PFKFB3: variants seen among roughly 807,000 people sequenced by gnomAD.
PFKFB3 encodes the protein 6-phosphofructo-2-kinase/fructose-2,6-bisphosphatase 3.
A neutral mutation model predicts 68.0 loss-of-function variants in PFKFB3; 33 were observed. The observed-to-expected ratio is 0.49, with a 90% CI of 0.37 to 0.65. The LOEUF (loss-of-function observed/expected upper bound fraction) is 0.65. Ranked by LOEUF, PFKFB3 falls within the 30% of genes least tolerant of loss-of-function variation. The probability of loss-of-function intolerance (pLI) is 0.00; values close to 1 mark genes in which losing one functional copy is unlikely to be tolerated. For synonymous variants in PFKFB3, 315 were observed against 288.2 expected, an observed-to-expected ratio of 1.09 and a Z score of -0.94; for missense variants, 586 against 712.2, an observed-to-expected ratio of 0.82 and a Z score of 2.02.
intron 14 of PFKFB3, among the ~76,000 whole-genome samples, chr10:6,240,674 T>TA (rs1846120032): frequency 6.6e-6 from 1 of 152,166 alleles, no homozygotes; most frequent in Non-Finnish European, 1.5e-5. Context: ...ATGGTACCCT[T>TA]GTCAAAACTA....
intron 3 of PFKFB3, 113 bp from the exon 4 acceptor site, chr10:6,216,012 G>C (rs1844554268): frequency 8.0e-6 from 8 of 999,278 alleles, no homozygotes; most frequent in Non-Finnish European, 1.1e-5. Context: ...GCGCTAAGCA[G>C]TGTAGAATGG....
the PFKFB3 span, among the ~76,000 whole-genome samples, chr10:6,268,894 A>G: frequency 0.55 from 83,183 of 150,638 alleles, 23,835 homozygotes; most frequent in Non-Finnish European, 0.65. Flanking sequence ...ATGGTGGTGC[A>G]TGACTGTAGT....
Position 6,215,338 on chromosome 10 carries a change from T to C in PFKFB3, c.299+21T>C. ...CGGAAGTAAGGCTGGGCCGCGGGCGTAGGGCTGGGCTGTGGGAATAAGGCT... is the reference window on the plus strand; with the variant it reads ...CGGAAGTAAGGCTGGGCCGCGGGCGCAGGGCTGGGCTGTGGGAATAAGGCT... On this transcript the variant is annotated intron_variant, in intron 3 of 14. Transcript: ENST00000379775. The surrounding 1 kb of genome is among the most constrained non-coding windows in gnomAD (Gnocchi z 4.3). 1 of 1,589,504 alleles carries C rather than the reference T, an allele frequency of 6.3e-7. No individual in the cohort carries two copies. The highest frequency in any genetic ancestry group is 8.6e-7 in the Non-Finnish European group (1 of 1,158,550).
chr10:6,299,059 A>G, the PFKFB3 span, among the ~76,000 whole-genome samples: 3 of 152,138 alleles, frequency 2.0e-5, no homozygotes, highest in Non-Finnish European at 2.9e-5. Flanking sequence ...CCTCCTCTTT[A>G]GGTTGACAAA....
intron 1 of PFKFB3, among the ~76,000 whole-genome samples, chr10:6,196,065 A>C (rs769279123): frequency 3.5e-4 from 53 of 151,260 alleles, no homozygotes; most frequent in Non-Finnish European, 5.7e-4. Context: ...AGGGCGGGAG[A>C]GATATTGAGA....
the PFKFB3 span, among the ~76,000 whole-genome samples, chr10:6,306,295 A>G: frequency 6.6e-6 from 1 of 152,224 alleles, no homozygotes; most frequent in Non-Finnish European, 1.5e-5. Flanking sequence ...CCTGAACCCT[A>G]TGCATCTATC....
At chr10:6,312,077 G>A in the PFKFB3 span, among the ~76,000 whole-genome samples, 12 of 152,190 alleles carry the variant, frequency 7.9e-5, no homozygotes, top group African/African-American at 2.9e-4. Context: ...CAGGTTACAG[G>A]AAAGCTCTGG....
At chr10:6,209,116 A>C (rs1843989502) in intron 1 of PFKFB3, among the ~76,000 whole-genome samples, 1 of 152,184 alleles carries the variant, frequency 6.6e-6, no homozygotes, top group Non-Finnish European at 1.5e-5. Context: ...GAACGTAGCA[A>C]CCTTGCAGAA....
rs1330113281 is a variant in PFKFB3, at chr10:6,229,216, G to T, written c.1515+2851G>T. On this transcript the variant is annotated intron_variant, in intron 14 of 14. Coordinates refer to ENST00000379775, the MANE Select transcript of PFKFB3 (RefSeq NM_004566.4). The surrounding 1 kb of genome is among the most constrained non-coding windows in gnomAD (Gnocchi z 4.3). The stretch of plus-strand genomic sequence containing the variant: ...GCGCTCAGATTTTGGTGGCAAAGGG[G>T]TGAAGGGCCAGAGGATGTACCAGTG... The T allele has an allele frequency of 8.0e-6, 4 of 502,226 alleles. 1 individual carries two copies. In the East Asian group the frequency reaches 2.4e-4, roughly 30 times the overall value. 31.1% of individuals were successfully genotyped at this position (502,226 alleles called of 1,614,324 possible). A position where few individuals can be genotyped will look rare whatever the true frequency, so the allele number is the denominator to read the frequency against.
At position 6,226,171 on chromosome 10, in the gene PFKFB3, T is replaced by C. The variant is rs367668107; in HGVS notation, c.1342-21T>C. The C allele has an allele frequency of 5.8e-6, 9 of 1,544,666 alleles. No individual in the cohort carries two copies. The African/African-American group carries it at 9.8e-5, about 17-fold the overall frequency. On this transcript the variant is annotated intron_variant, in intron 13 of 14. Coordinates refer to ENST00000379775, the MANE Select transcript of PFKFB3 (RefSeq NM_004566.4). ...TCTTTGTAACTGTCGCCTTTCTCTC[T>C]TTTGTCTTTGTCTTGCTTAGGATGC...
the PFKFB3 span, chr10:6,326,442 TAAAATA>T: frequency 2.6e-5 from 11 of 423,584 alleles, no homozygotes; most frequent in Admixed American, 2.2e-4. Flanking sequence ...CCCCAGAACT[TAAAATA>T]AAAATAGAAA....
intron 2 of PFKFB3, among the ~76,000 whole-genome samples, chr10:6,214,378 C>T (rs775047288): frequency 2.3e-4 from 35 of 152,196 alleles, no homozygotes; most frequent in East Asian, 1.9e-4. Context: ...CCTCCCTGTC[C>T]GTGGCAAAAT....
At chr10:6,244,249 G>A (rs1225873405) in intron 14 of PFKFB3, among the ~76,000 whole-genome samples, 5 of 152,176 alleles carry the variant, frequency 3.3e-5, no homozygotes. Context: ...ACATCAACTC[G>A]CTTGTTAGGG....
chr10:6,299,244 G>A, the PFKFB3 span, among the ~76,000 whole-genome samples: 3 of 152,150 alleles, frequency 2.0e-5, no homozygotes, highest in Non-Finnish European at 2.9e-5. Context: ...TTTTTTCAAC[G>A]TTGGTTGTGT....
intron 14 of PFKFB3, among the ~76,000 whole-genome samples, chr10:6,250,437 G>T (rs902150730): frequency 1.3e-5 from 2 of 152,088 alleles, no homozygotes; most frequent in African/African-American, 2.4e-5. Context: ...CGGGCATGGT[G>T]GCGGGCGCCT....
chr10:6,225,112 C>CT (rs1443740292), intron 13 of PFKFB3: 1 of 456,232 alleles, frequency 2.2e-6, no homozygotes. Flanking sequence ...TGGGCCTCTG[C>CT]TCAGGTGGAC....
chr10:6,167,995 C>T (rs756383091), intron 1 of PFKFB3, among the ~76,000 whole-genome samples: 3 of 152,222 alleles, frequency 2.0e-5, no homozygotes, highest in Non-Finnish European at 4.4e-5. Context: ...TCTTCATCTG[C>T]GTCATCTCTA....
the PFKFB3 span, among the ~76,000 whole-genome samples, chr10:6,309,815 C>G: frequency 6.6e-6 from 1 of 151,984 alleles, no homozygotes; most frequent in African/African-American, 2.4e-5. Context: ...TTGCAGAGAC[C>G]GGGTGATGGG....
chr10:6,164,901 C>T lies in PFKFB3; in HGVS notation c.16+19888C>T, dbSNP rs137976177. 7.5e-3 allele frequency among the ~76,000 whole-genome samples: 1,140 copies of T among 152,252 alleles called. 13 individuals are homozygous for T. The highest frequency in any genetic ancestry group is 0.025 in the African/African-American group (1,053 of 41,526). Reference sequence around the variant, plus strand: ...GCCACAGGGCGGTTTTCTCCTATCTCAGAATAGAACGAATGGGATTGGTCT... The same window carrying T: ...GCCACAGGGCGGTTTTCTCCTATCTTAGAATAGAACGAATGGGATTGGTCT... On this transcript the variant is annotated intron_variant, in intron 1 of 14. Transcript: ENST00000379789.
Sources: allele counts gnomAD v4.1 joint callset (sites outside exome capture counted in the v4.1 genomes callset), GRCh38; gene constraint gnomAD v4.1.1; non-coding constraint Gnocchi (gnomAD v3.1); transcripts MANE v1.5; gene names NCBI Gene and HGNC (gene_info 2026-07-23, HGNC 2026-07-21).